The following UBAP2 variants were observed in gnomAD, a reference collection of about 807,000 sequenced individuals.
UBAP2 encodes the protein ubiquitin-associated protein 2.
Under a neutral mutation model 139.6 loss-of-function variants are expected in UBAP2, and 75 were observed. The observed-to-expected ratio is 0.54, with a 90% CI of 0.45 to 0.65. The LOEUF is 0.65. UBAP2 is among the 30% of genes least tolerant of loss of function. The pLI is 0.00. For missense variants in UBAP2, 1,368 were observed against 1,369.6 expected (o/e 1.00, Z 0.02); for synonymous variants, 526 against 526.2 (o/e 1.00, Z 0.01).
rs765869013 is a variant in UBAP2, at chr9:33,994,243, C to T, written c.288+1980G>A. Among the ~76,000 whole-genome samples, 5 of 152,108 alleles carry T rather than the reference C, an allele frequency of 3.3e-5. No homozygotes were observed. The South Asian group carries it at 8.3e-4, about 25-fold the overall frequency. ...CAGAACCAGCTCCTTCAGGTTCGGT[C>T]CCAAAGGAGGAGGGGGTGTTAAAAC... On this transcript the variant is annotated intron_variant, in intron 4 of 28. Coordinates refer to ENST00000379238, the MANE Select transcript of UBAP2 (RefSeq NM_001370062.2).
At chr9:34,013,206 AT>A (rs1823923404) in intron 2 of UBAP2, among the ~76,000 whole-genome samples, 1 of 151,684 alleles carries the variant, frequency 6.6e-6, no homozygotes, top group Non-Finnish European at 1.5e-5. Context: ...AACTCATCTA[AT>A]TACTAAGTGC....
At chr9:34,022,754 A>G (rs1360910723) in intron 1 of UBAP2, among the ~76,000 whole-genome samples, 3 of 152,118 alleles carry the variant, frequency 2.0e-5, no homozygotes, top group Non-Finnish European at 4.4e-5. Flanking sequence ...CTCCTTAAAT[A>G]AATACATTTT....
chr9:34,036,843 C>CTA (rs1326446717), intron 1 of UBAP2, among the ~76,000 whole-genome samples: 1 of 121,520 alleles, frequency 8.2e-6, no homozygotes, highest in East Asian at 2.5e-4. Context: ...AGGTCTCATT[C>CTA]TGTCTGCCCA....
intron 2 of UBAP2, among the ~76,000 whole-genome samples, chr9:34,010,122 T>TAA (rs572189269): frequency 8.0e-6 from 1 of 125,172 alleles, no homozygotes; most frequent in Non-Finnish European, 1.6e-5. Context: ...TCCTGTCTAT[T>TAA]AAAAAAAAAA....
In UBAP2 at chr9:34,033,882, C is replaced by A. The variant is rs377054389; in HGVS notation, c.-42+14943G>T. Among the ~76,000 whole-genome samples the A allele has an allele frequency of 9.8e-4, 149 of 152,100 alleles. 4 individuals are homozygous for A. The South Asian group carries it at 0.029, about 30-fold the overall frequency. On this transcript the variant is annotated intron_variant, in intron 1 of 28. Transcript: ENST00000379238. The stretch of plus-strand genomic sequence containing the variant: ...TCCCAAGTAGCTGGGATTACAGGCA[C>A]CCACCACCATGCCTGGCTAATTTTT...
chr9:33,940,363 C>G (rs1191631409), intron 16 of UBAP2, among the ~76,000 whole-genome samples: 1 of 152,114 alleles, frequency 6.6e-6, no homozygotes, highest in Non-Finnish European at 1.5e-5. Context: ...TTATCAAGTT[C>G]CAGCACTGTT....
intron 6 of UBAP2, among the ~76,000 whole-genome samples, chr9:33,982,245 A>G (rs1820828911): frequency 6.6e-6 from 1 of 152,188 alleles, no homozygotes; most frequent in Admixed American, 6.5e-5. Context: ...TTCCGCTTCA[A>G]CCCAAATCCT....
rs1243703701 is a variant in UBAP2, at chr9:33,943,587, G to C, written c.1548C>G (p.Ile516Met). The C allele has an allele frequency of 6.2e-7, 1 of 1,613,822 alleles. No homozygotes were observed. Among genetic ancestry groups the C allele is most frequent in the Non-Finnish European group, 8.5e-7 (1 of 1,179,942 alleles). The change falls in exon 15 of 29, where the codon ATC (isoleucine) becomes ATG (methionine). Residue 516 changes from isoleucine (I) to methionine (M), a missense_variant and splice_region_variant. By Grantham distance (10) the Ile-to-Met change is conservative. Transcript: ENST00000379238. ...AKRRIPPASKIPASAVEMPGS... is the reference protein window; with the variant it reads ...AKRRIPPASKMPASAVEMPGS... Reference sequence around the variant, plus strand: ...CAGGCATTTCCACTGCAGAAGCTGGGATCTGAAAAAGCAAAGCTGTCGTGT... The same window carrying C: ...CAGGCATTTCCACTGCAGAAGCTGGCATCTGAAAAAGCAAAGCTGTCGTGT...
chr9:33,976,208 A>C (rs1245984479), intron 6 of UBAP2, among the ~76,000 whole-genome samples: 3 of 152,234 alleles, frequency 2.0e-5, no homozygotes, highest in African/African-American at 7.2e-5. Context: ...ACAGGCCAAA[A>C]TTAAACAAGC....
intron 1 of UBAP2, among the ~76,000 whole-genome samples, 177 bp downstream of exon 1, chr9:34,048,648 T>G (rs1226674105): frequency 3.3e-5 from 5 of 151,814 alleles, no homozygotes; most frequent in African/African-American, 1.2e-4. Context: ...AGCCCGGGCC[T>G]GGACGTAGAG....
chr9:33,945,285 T>A (rs1825570608), intron 13 of UBAP2, among the ~76,000 whole-genome samples: 1 of 152,098 alleles, frequency 6.6e-6, no homozygotes, highest in South Asian at 2.1e-4. Context: ...GATCACGAAG[T>A]CAGGAGATCA....
chr9:33,946,770 T>C (rs1199403404), intron 13 of UBAP2, among the ~76,000 whole-genome samples: 1 of 152,198 alleles, frequency 6.6e-6, no homozygotes, highest in Admixed American at 6.5e-5. Flanking sequence ...AACTTGGTAT[T>C]ATAGGCATGC....
intron 11 of UBAP2, among the ~76,000 whole-genome samples, chr9:33,954,581 T>C (rs570472557): frequency 6.6e-6 from 1 of 152,186 alleles, no homozygotes; most frequent in South Asian, 2.1e-4. Flanking sequence ...ATTCTCACCA[T>C]GCCAATAAGA....
At chr9:34,026,460 G>C (rs930952397) in intron 1 of UBAP2, among the ~76,000 whole-genome samples, 4 of 152,246 alleles carry the variant, frequency 2.6e-5, no homozygotes, top group African/African-American at 9.6e-5. Context: ...CACAATTTAT[G>C]TTAAAGAAGC....
intron 10 of UBAP2, 50 bp downstream of exon 10, chr9:33,960,776 A>G: frequency 6.4e-7 from 1 of 1,556,326 alleles, no homozygotes; most frequent in Non-Finnish European, 8.8e-7. Flanking sequence ...GTGAAATTCC[A>G]TTTCAAAAAA....
At position 34,038,954 on chromosome 9, in the gene UBAP2, C is replaced by T. The variant is rs1251866832; in HGVS notation, c.-42+9871G>A. Reference sequence around the variant, plus strand: ...GCCACCCCATCTGGGATGTGAGGAGCGCCTCTGCCCGACCGCGACCCCGTC... The same window carrying T: ...GCCACCCCATCTGGGATGTGAGGAGTGCCTCTGCCCGACCGCGACCCCGTC... On this transcript the variant is annotated intron_variant, in intron 1 of 28. Transcript: ENST00000379238. 3.2e-4 allele frequency among the ~76,000 whole-genome samples: 47 copies of T among 146,340 alleles called. 1 individual carries two copies. The highest frequency in any genetic ancestry group is 1.1e-3 in the African/African-American group (43 of 39,634).
intron 21 of UBAP2, 141 bp from the exon 22 acceptor site, chr9:33,926,805 T>C: frequency 1.9e-6 from 2 of 1,041,104 alleles, no homozygotes. Flanking sequence ...CGGGAACAGA[T>C]CCTGCCTTCA....
At chr9:33,962,673 TAAA>T (rs1564032660) in intron 9 of UBAP2, among the ~76,000 whole-genome samples, 55 of 134,744 alleles carry the variant, frequency 4.1e-4, no homozygotes, top group East Asian at 3.4e-3. Flanking sequence ...AATAAATAAA[TAAA>T]TAAATAATTA....
At chr9:33,977,042 AT>A (rs778975821) in intron 6 of UBAP2, among the ~76,000 whole-genome samples, 189 of 127,076 alleles carry the variant, frequency 1.5e-3, no homozygotes, top group Middle Eastern at 3.8e-3. Flanking sequence ...TTTTTTATTT[AT>A]TTTTTTTTTT....
Sources: allele counts gnomAD v4.1 joint callset (sites outside exome capture counted in the v4.1 genomes callset), GRCh38; gene constraint gnomAD v4.1.1; transcripts MANE v1.5; gene names NCBI Gene and HGNC (gene_info 2026-07-23, HGNC 2026-07-21).